OSBPL5: variants seen among roughly 807,000 people sequenced by gnomAD.
The protein encoded by OSBPL5 is oxysterol binding protein like 5.
In OSBPL5, 71 loss-of-function variants were observed where a neutral mutation model predicts 111.2. That is an observed-to-expected ratio of 0.64 (90% confidence interval 0.53 to 0.78). The LOEUF is 0.78. Ranked by LOEUF, OSBPL5 falls within the 30% of genes least tolerant of loss-of-function variation. The probability of loss-of-function intolerance (pLI) is 0.00; values close to 1 mark genes in which losing one functional copy is unlikely to be tolerated. For synonymous variants in OSBPL5, 549 were observed against 513.9 expected, an observed-to-expected ratio of 1.07 and a Z score of -0.93; for missense variants, 1,210 against 1,189.3, an observed-to-expected ratio of 1.02 and a Z score of -0.26.
At position 3,089,862 on chromosome 11, in the gene OSBPL5, G is replaced by T; in HGVS notation, c.2485C>A (p.Gln829Lys). The T allele has an allele frequency of 6.4e-7, 1 of 1,562,528 alleles. No individual in the cohort carries two copies. Among genetic ancestry groups the T allele is most frequent in the Non-Finnish European group, 8.7e-7 (1 of 1,153,618 alleles). ...GTGGCCCACCTGTGCAGCTCCTGCT[G>T]GGCCTCTCGGATGGAGAGGATGGCC... ...HEAILSIREA[Q>K]QELHRHLSAM... Residue 829 changes from glutamine to lysine, a missense_variant, in exon 21 of 22, where the codon CAG becomes AAG. By Grantham distance (53) the Gln-to-Lys change is moderately conservative. Transcript: ENST00000263650.
At position 3,126,689 on chromosome 11, in the gene OSBPL5, T is replaced by A; in HGVS notation, c.137-134A>T. On this transcript the variant is annotated intron_variant, in intron 2 of 21. Transcript: ENST00000263650. The surrounding 1 kb of genome is among the most constrained non-coding windows in gnomAD (Gnocchi z 6.5). ...GGGGCAGGAAGTCAGCCGGAGGTGG[T>A]GGCAGGAACAGGACACTGCCTGAGA... 1.6e-6 allele frequency: 1 copy of A among 643,572 alleles called. No homozygotes were observed. The highest frequency in any genetic ancestry group is 1.8e-5 in the African/African-American group (1 of 54,260). The allele number at this position is 643,572 out of a possible 1,614,324, so 39.9% of individuals were successfully genotyped here. A position where few individuals can be genotyped will look rare whatever the true frequency, so the allele number is the denominator to read the frequency against.
intron 20 of OSBPL5, 68 bp from the exon 21 acceptor site, chr11:3,090,016 G>A (rs1382151825): frequency 7.8e-6 from 10 of 1,285,414 alleles, no homozygotes; most frequent in Non-Finnish European, 1.1e-5. Context: ...GGTCCAGTGG[G>A]GCTGGCACGT....
chr11:3,124,392 G>A (rs1023970426), intron 3 of OSBPL5, among the ~76,000 whole-genome samples: 6 of 152,186 alleles, frequency 3.9e-5, no homozygotes, highest in Admixed American at 3.9e-4. Flanking sequence ...GGCATATGCT[G>A]GACCCTGGCC....
intron 14 of OSBPL5, among the ~76,000 whole-genome samples, chr11:3,099,227 G>A (rs927189934): frequency 6.6e-6 from 1 of 152,186 alleles, no homozygotes; most frequent in African/African-American, 2.4e-5. Flanking sequence ...AGGAATATGT[G>A]GCTCCATCTA....
intron 21 of OSBPL5, among the ~76,000 whole-genome samples, chr11:3,088,632 T>A (rs753715209): frequency 7.2e-5 from 11 of 152,150 alleles, no homozygotes; most frequent in Non-Finnish European, 1.5e-4. Flanking sequence ...CCTGTGGTTA[T>A]GGCTGAGTCA....
intron 2 of OSBPL5, among the ~76,000 whole-genome samples, chr11:3,127,301 G>A (rs73415924): frequency 0.041 from 6,262 of 152,306 alleles, 480 homozygotes; most frequent in African/African-American, 0.14. Context: ...GGGGGCTGGA[G>A]TGAACCCCAT....
In OSBPL5 at chr11:3,154,568, G is replaced by A. The variant is rs903371795; in HGVS notation, c.-22+10648C>T. Among the ~76,000 whole-genome samples, 3 of 152,312 alleles carry A rather than the reference G, an allele frequency of 2.0e-5. No homozygotes were observed. In the East Asian group the frequency reaches 5.8e-4, roughly 29 times the overall value. On this transcript the variant is annotated intron_variant, in intron 1 of 21. Coordinates refer to ENST00000263650, the MANE Select transcript of OSBPL5 (RefSeq NM_020896.4). The surrounding 1 kb of genome is among the most constrained non-coding windows in gnomAD (Gnocchi z 4.9). ...ACTGCACACACTCATGGGTGCGGAA[G>A]GCTCTGATCACATCAAAATCTTACT...
At chr11:3,160,744 C>G (rs969916104) in intron 1 of OSBPL5, among the ~76,000 whole-genome samples, 2 of 149,546 alleles carry the variant, frequency 1.3e-5, no homozygotes, top group Non-Finnish European at 3.0e-5. Flanking sequence ...TCCGCAACGC[C>G]GGGATACTGA....
In OSBPL5 at chr11:3,088,377, G is replaced by A. The variant is rs1392288731; in HGVS notation, c.2502-34C>T. ...ACAGGCGACAGATCGTGGGGGCTGT[G>A]CCAATGCCAGCAAGTCCCCCTCCCA... On this transcript the variant is annotated intron_variant, in intron 21 of 21. Coordinates refer to ENST00000263650, the MANE Select transcript of OSBPL5 (RefSeq NM_020896.4). The A allele has an allele frequency of 4.0e-6, 6 of 1,483,276 alleles. No homozygotes were observed. In the South Asian group the frequency reaches 8.1e-5, roughly 20 times the overall value. The allele number at this position is 1,483,276 out of a possible 1,614,324, so 91.9% of individuals were successfully genotyped here.
chr11:3,102,232 C>T lies in OSBPL5; in HGVS notation c.1376G>A (p.Cys459Tyr). 1 of 1,609,380 alleles carries T rather than the reference C, an allele frequency of 6.2e-7. No homozygotes were observed. Residue 459 changes from cysteine (C) to tyrosine (Y), a missense_variant, in exon 12 of 22, where the codon TGC becomes TAC. Physicochemically the swap from Cys to Tyr is radical, Grantham distance 194 (BLOSUM62 -2). Coordinates refer to ENST00000263650, the MANE Select transcript of OSBPL5 (RefSeq NM_020896.4). ...NPILGETFRCCWFHPQTDSRT... is the reference protein window; with the variant it reads ...NPILGETFRCYWFHPQTDSRT... The stretch of plus-strand genomic sequence containing the variant: ...GCTGTCAGTCTGCGGGTGGAACCAG[C>T]AGCAGCGGAAGGTCTCCCCCAGGAT...
Position 3,162,587 on chromosome 11 carries a change from C to T in OSBPL5, c.-22+2629G>A, listed in dbSNP as rs1173819962. Among the ~76,000 whole-genome samples, 4 of 151,984 alleles carry T rather than the reference C, an allele frequency of 2.6e-5. No individual in the cohort carries two copies. Among genetic ancestry groups the T allele is most frequent in the Non-Finnish European group, 5.9e-5 (4 of 67,996 alleles). On this transcript the variant is annotated intron_variant, in intron 1 of 21. Coordinates refer to ENST00000263650, the MANE Select transcript of OSBPL5 (RefSeq NM_020896.4). The surrounding 1 kb of genome is among the most constrained non-coding windows in gnomAD (Gnocchi z 8.1). ...CTTAGTCCAAGTCCTTTGTACTCGA[C>T]CGCCAACCCTACCACTCTCCGGAGC...
chr11:3,103,106 G>C, intron 11 of OSBPL5, 133 bp downstream of exon 11: 1 of 718,592 alleles, frequency 1.4e-6, no homozygotes. Flanking sequence ...CCCTCTGTGG[G>C]GGTGACCAGG....
Position 3,119,557 on chromosome 11 carries a change from G to C in OSBPL5, c.681C>G (p.Ser227=), listed in dbSNP as rs755435331. 2.4e-5 allele frequency: 38 copies of C among 1,576,330 alleles called. No homozygotes were observed. Among genetic ancestry groups the C allele is most frequent in the Non-Finnish European group, 1.5e-5 (17 of 1,165,778 alleles). The change falls in exon 7 of 22, where the codon TCC becomes TCG. Residue 227 remains serine, a synonymous_variant. Transcript: ENST00000263650. ...CTGGCAGGGACTCACCATCTGACTC[G>C]GAGGCGGCCCTGAAGATCAGGTAGC... The part of the protein sequence containing the change: ...PSSYLIFRAA[S]ESDGRCWLDA...
intron 14 of OSBPL5, among the ~76,000 whole-genome samples, chr11:3,095,442 C>G (rs1399828932): frequency 6.6e-6 from 1 of 152,042 alleles, no homozygotes; most frequent in African/African-American, 2.4e-5. Flanking sequence ...GATTTGAGGT[C>G]TAGTGTAGGA....
At position 3,104,360 on chromosome 11, in the gene OSBPL5, C is replaced by G. The variant is rs1342251998; in HGVS notation, c.1077G>C (p.Gln359His). Residue 359 changes from glutamine (Q) to histidine (H), a missense_variant, in exon 10 of 22, where the codon CAG (glutamine) becomes CAC (histidine). Coordinates refer to ENST00000263650, the MANE Select transcript of OSBPL5 (RefSeq NM_020896.4). This position sits in a 1 kb window ranked among gnomAD's most constrained non-coding sequence, Gnocchi z 5.0. ...EELGELGEAS[Q>H]VETVSEENKS... ...TGTTCTCCTCTGACACTGTCTCCAC[C>G]TGGGACGCCTCGCCCAGCTGCAGCA... is the stretch of plus-strand genomic sequence containing the variant. 6.2e-7 allele frequency: 1 copy of G among 1,611,242 alleles called. No individual in the cohort carries two copies. Among genetic ancestry groups the G allele is most frequent in the Non-Finnish European group, 8.5e-7 (1 of 1,179,750 alleles).
rs1256512027 is a variant in OSBPL5, at chr11:3,146,669, C to G, written c.-21-17500G>C. On this transcript the variant is annotated intron_variant, in intron 1 of 21. Coordinates refer to ENST00000263650, the MANE Select transcript of OSBPL5 (RefSeq NM_020896.4). The surrounding 1 kb of genome is among the most constrained non-coding windows in gnomAD (Gnocchi z 7.8). ...CTGGGCACACAGCTGTGCCTGAGTG[C>G]AGGGGGAGAGGCCAGCTCCAGGCTG... The G allele has an allele frequency of 1.3e-5, 2 of 151,846 alleles. No homozygotes were observed. The highest frequency in any genetic ancestry group is 3.2e-3 in the Middle Eastern group (1 of 316). The allele number at this position is 151,846 out of a possible 1,614,324, so 9.4% of individuals were successfully genotyped here. A position where few individuals can be genotyped will look rare whatever the true frequency, so the allele number is the denominator to read the frequency against.
rs1858619790 is a variant in OSBPL5, at chr11:3,126,244, A to C, written c.219+229T>G. ...AAAACTGATAGTCAAATACACGTGC[A>C]CACATGTTCACGGAAGCATTTTTCA... On this transcript the variant is annotated intron_variant, in intron 3 of 21. Coordinates refer to ENST00000263650, the MANE Select transcript of OSBPL5 (RefSeq NM_020896.4). The surrounding 1 kb of genome is among the most constrained non-coding windows in gnomAD (Gnocchi z 6.5). Among the ~76,000 whole-genome samples, 1 of 152,260 alleles carries C rather than the reference A, an allele frequency of 6.6e-6. No homozygotes were observed. The highest frequency in any genetic ancestry group is 2.4e-5 in the African/African-American group (1 of 41,470).
intron 14 of OSBPL5, among the ~76,000 whole-genome samples, chr11:3,099,612 G>A (rs1300231120): frequency 6.6e-6 from 1 of 152,180 alleles, no homozygotes; most frequent in African/African-American, 2.4e-5. Context: ...GGGCACCAAG[G>A]CAAGGAAAAT....
At chr11:3,101,468 TG>T in intron 13 of OSBPL5, 134 bp downstream of exon 13, 1 of 806,078 alleles carries the variant, frequency 1.2e-6, no homozygotes, top group Non-Finnish European at 1.9e-6. Context: ...GACCACCACA[TG>T]GTCTCTGACT....
Sources: gnomAD v4.1 joint callset for allele counts (sites outside exome capture counted in the v4.1 genomes callset) on GRCh38, gnomAD v4.1.1 for gene constraint, Gnocchi (gnomAD v3.1) non-coding constraint, MANE v1.5 for transcripts, NCBI Gene and HGNC (gene_info 2026-07-23, HGNC 2026-07-21) for gene names.